ASXL1: variants seen among roughly 807,000 people sequenced by gnomAD.
ASXL1 encodes ASXL transcriptional regulator 1.
In ASXL1, 65 loss-of-function variants were observed where a neutral mutation model predicts 89.1. The ratio of observed to expected loss-of-function variants is 0.73; its 90% CI spans 0.60 to 0.90. The LOEUF (loss-of-function observed/expected upper bound fraction) is 0.90. ASXL1 is among the 40% of genes least tolerant of loss of function. ASXL1 has a pLI of 0.00. For synonymous variants in ASXL1, 739 were observed against 746.9 expected (o/e 0.99, Z 0.17); for missense variants, 1,786 against 1,942.9 (o/e 0.92, Z 1.52).
chr20:32,409,273 T>G (rs949723040), intron 4 of ASXL1, among the ~76,000 whole-genome samples: 1 of 152,238 alleles, frequency 6.6e-6, no homozygotes, highest in Non-Finnish European at 1.5e-5. Flanking sequence ...ATGCCCAGCC[T>G]CAGCTATTTT....
chr20:32,436,358 G>A lies in ASXL1; in HGVS notation c.3646G>A (p.Val1216Met). 1 of 1,613,762 alleles carries A rather than the reference G, an allele frequency of 6.2e-7. No homozygotes were observed. Among genetic ancestry groups the A allele is most frequent in the Non-Finnish European group, 8.5e-7 (1 of 1,180,034 alleles). ...CCCAAGTTTTGACTCCCTCCATCCA[G>A]TGACAAATCCCATTACATCCTCTAG... ...AVPSFDSLHP[V>M]TNPITSSRKL... Residue 1216 changes from valine to methionine, a missense_variant, in exon 13 of 13, where the codon GTG (valine) becomes ATG (methionine). Coordinates refer to ENST00000375687, the MANE Select transcript of ASXL1 (RefSeq NM_015338.6).
At chr20:32,404,538 C>T (rs2048924085) in intron 4 of ASXL1, among the ~76,000 whole-genome samples, 2 of 152,044 alleles carry the variant, frequency 1.3e-5, no homozygotes, top group Non-Finnish European at 2.9e-5. Flanking sequence ...AGTTTTTCTC[C>T]TAGAATCTTT....
intron 4 of ASXL1, among the ~76,000 whole-genome samples, chr20:32,389,160 C>T (rs2048628163): frequency 6.6e-6 from 1 of 152,166 alleles, no homozygotes; most frequent in Non-Finnish European, 1.5e-5. Context: ...AAGTTTAAGT[C>T]CTAAATAATA....
chr20:32,360,725 G>A (rs765038941), intron 1 of ASXL1: 4 of 166,082 alleles, frequency 2.4e-5, no homozygotes, highest in Non-Finnish European at 5.3e-5. Context: ...TTAGATTCTC[G>A]AATTTACCGT....
rs397698284 is a variant in ASXL1 at position 32,391,978 on chromosome 20, T to TC, written c.252+22858dup. 2.0e-4 allele frequency among the ~76,000 whole-genome samples: 31 copies of TC among 152,110 alleles called. 1 individual carries two copies. The South Asian group carries it at 4.6e-3, about 22-fold the overall frequency. On this transcript the variant is annotated intron_variant, in intron 4 of 12. Coordinates refer to ENST00000375687, the MANE Select transcript of ASXL1 (RefSeq NM_015338.6). Reference sequence around the variant, plus strand: ...TAGTTGGACCTTGATTTTTTTTTTTTCCCTAATTCTTTTACTTGGGATGCT... The same window carrying TC: ...TAGTTGGACCTTGATTTTTTTTTTTTCCCCTAATTCTTTTACTTGGGATGCT...
At position 32,432,774 on chromosome 20, in the gene ASXL1, G is replaced by A. The variant is rs532215120; in HGVS notation, c.980-106G>A. The A allele has an allele frequency of 3.0e-5, 40 of 1,354,462 alleles. 1 individual carries two copies. The South Asian group carries it at 4.1e-4, about 14-fold the overall frequency. The allele number at this position is 1,354,462 out of a possible 1,614,324, so 83.9% of individuals were successfully genotyped here. A position where few individuals can be genotyped will look rare whatever the true frequency, so the allele number is the denominator to read the frequency against. On this transcript the variant is annotated intron_variant, in intron 10 of 12. Coordinates refer to ENST00000375687, the MANE Select transcript of ASXL1 (RefSeq NM_015338.6). Reference sequence around the variant, plus strand: ...CCCTATAAGAGCATGATGTGAGAGAGCCTTTAGAAGAGACGTGTTGTTTTA... The same window carrying A: ...CCCTATAAGAGCATGATGTGAGAGAACCTTTAGAAGAGACGTGTTGTTTTA...
intron 4 of ASXL1, among the ~76,000 whole-genome samples, chr20:32,393,772 T>G (rs1027910834): frequency 1.4e-4 from 22 of 151,734 alleles, no homozygotes; most frequent in Admixed American, 1.4e-3. Flanking sequence ...GGCTGGATGT[T>G]TACTGATTTT....
Position 32,401,544 on chromosome 20 carries a change from G to GTGTGTGTTTTT in ASXL1, c.253-26583_253-26582insGTGTGTTTTTT, listed in dbSNP as rs35101542. 1.4e-4 allele frequency among the ~76,000 whole-genome samples: 10 copies of GTGTGTGTTTTT among 69,330 alleles called. No homozygotes were observed. In the East Asian group the frequency reaches 2.2e-3, roughly 15 times the overall value. The allele number at this position is 69,330 out of a possible 152,430, so 45.5% of individuals were successfully genotyped here. On this transcript the variant is annotated intron_variant, in intron 4 of 12. Transcript: ENST00000375687. Reference sequence around the variant, plus strand: ...TATATGTGTGTGTGTGTGTGTGTGTGTTTTTTCCCCCCCCCCCTTTTTTTT... The same window carrying GTGTGTGTTTTT: ...TATATGTGTGTGTGTGTGTGTGTGTGTGTGTGTTTTTTTTTTTCCCCCCCCCCCTTTTTTTT...
intron 4 of ASXL1, among the ~76,000 whole-genome samples, chr20:32,396,274 C>T (rs2048761142): frequency 1.3e-5 from 2 of 152,020 alleles, no homozygotes; most frequent in Admixed American, 1.3e-4. Flanking sequence ...TCTTTGCAAT[C>T]CTAATAAATT....
In ASXL1 at chr20:32,429,936, A is replaced by G. The variant is rs1454532242; in HGVS notation, c.601A>G (p.Ser201Gly). 2 of 1,608,282 alleles carry G rather than the reference A, an allele frequency of 1.2e-6. No homozygotes were observed. Among genetic ancestry groups the G allele is most frequent in the Admixed American group, 3.3e-5 (2 of 59,900 alleles). ...CTGCCACGCCGATGGCGAGAGCGGC[A>G]GCCCGTCCAGCAGCAGCAGCGGCTC... ...SGCHADGESG[S>G]PSSSSSGSLA... Residue 201 changes from serine (S) to glycine (G), a missense_variant, in exon 8 of 13, where the codon AGC (serine) becomes GGC (glycine). Around this residue, in one of 3 missense-constraint regions of ASXL1, gnomAD observed 332 missense variants for 449.7 expected, o/e 0.74. Coordinates refer to ENST00000375687, the MANE Select transcript of ASXL1 (RefSeq NM_015338.6). The surrounding 1 kb of genome is among the most constrained non-coding windows in gnomAD (Gnocchi z 4.9).
At chr20:32,424,030 T>C (rs1300907912) in intron 4 of ASXL1, among the ~76,000 whole-genome samples, 2 of 152,240 alleles carry the variant, frequency 1.3e-5, no homozygotes, top group Admixed American at 6.5e-5. Context: ...CCAGGCCCTA[T>C]TCCTGTTTGT....
intron 4 of ASXL1, among the ~76,000 whole-genome samples, chr20:32,398,016 G>C (rs989376440): frequency 6.6e-6 from 1 of 152,148 alleles, no homozygotes. Flanking sequence ...GGGTATTTAC[G>C]TATAGATCGG....
chr20:32,363,818 G>A (rs145054707), intron 1 of ASXL1, among the ~76,000 whole-genome samples: 165 of 152,310 alleles, frequency 1.1e-3, no homozygotes, highest in African/African-American at 3.8e-3. Context: ...GAGTGGGTGA[G>A]AGGGAGTGTG....
chr20:32,417,085 G>C (rs1164895986), intron 4 of ASXL1, among the ~76,000 whole-genome samples: 1 of 152,160 alleles, frequency 6.6e-6, no homozygotes, highest in African/African-American at 2.4e-5. Flanking sequence ...CTCTGATGTA[G>C]ATTGACAGGT....
At chr20:32,416,324 A>G (rs2049137566) in intron 4 of ASXL1, among the ~76,000 whole-genome samples, 1 of 152,190 alleles carries the variant, frequency 6.6e-6, no homozygotes, top group South Asian at 2.1e-4. Flanking sequence ...GCCATGTTTA[A>G]ATATGGAAGC....
chr20:32,381,813 C>T (rs2048491464), intron 4 of ASXL1, among the ~76,000 whole-genome samples: 2 of 152,078 alleles, frequency 1.3e-5, no homozygotes, highest in African/African-American at 2.4e-5. Context: ...CGCGCCTGGC[C>T]GCCTCTTATC....
rs1600577587 is a variant in ASXL1 at position 32,430,871 on chromosome 20, A to G, written c.719-450A>G. On this transcript the variant is annotated intron_variant, in intron 8 of 12. Coordinates refer to ENST00000375687, the MANE Select transcript of ASXL1 (RefSeq NM_015338.6). ...TCTCAGTTGGCTTTGAACAGTCCTT[A>G]GTACATTTCTGCATGGAGATCATCC... is the stretch of plus-strand genomic sequence containing the variant. 1.2e-5 allele frequency: 5 copies of G among 424,360 alleles called. No individual in the cohort carries two copies. The East Asian group carries it at 2.1e-4, about 18-fold the overall frequency. 26.3% of individuals were successfully genotyped at this position (424,360 alleles called of 1,614,324 possible).
intron 4 of ASXL1, among the ~76,000 whole-genome samples, chr20:32,412,114 C>T (rs531908786): frequency 2.6e-5 from 4 of 152,008 alleles, no homozygotes; most frequent in Non-Finnish European, 5.9e-5. Context: ...TGCATGTATA[C>T]ATCTGTACCT....
At chr20:32,369,874 C>T (rs2048270897) in intron 4 of ASXL1, among the ~76,000 whole-genome samples, 1 of 151,298 alleles carries the variant, frequency 6.6e-6, no homozygotes, top group African/African-American at 2.4e-5. Flanking sequence ...GAGTGCACTA[C>T]CATGCCCAGG....
Sources: gnomAD v4.1 joint callset for allele counts (sites outside exome capture counted in the v4.1 genomes callset) on GRCh38, gnomAD v4.1.1 for gene constraint, gnomAD v4.1.1 regional missense constraint, Gnocchi (gnomAD v3.1) non-coding constraint, MANE v1.5 for transcripts, NCBI Gene and HGNC (gene_info 2026-07-23, HGNC 2026-07-21) for gene names.